NUDT9: variants seen among roughly 807,000 people sequenced by gnomAD.
The protein encoded by NUDT9 is ADP-ribose pyrophosphatase.
In NUDT9, 31 loss-of-function variants were observed where a neutral mutation model predicts 41.0. The ratio of observed to expected loss-of-function variants is 0.76; its 90% confidence interval spans 0.57 to 1.02. The LOEUF (loss-of-function observed/expected upper bound fraction) is 1.02, where lower values mean the gene tolerates loss of function less well. Ranked by LOEUF, NUDT9 falls within the 50% of genes least tolerant of loss-of-function variation. The pLI, the probability that NUDT9 is intolerant of heterozygous loss-of-function variation, is 0.00. For missense variants in NUDT9, 380 were observed against 431.4 expected (o/e 0.88, Z 1.06); for synonymous variants, 146 against 147.6 (o/e 0.99, Z 0.08).
intron 1 of NUDT9, among the ~76,000 whole-genome samples, chr4:87,425,712 G>GAAA (rs70957242): frequency 0.059 from 5,569 of 94,478 alleles, 274 homozygotes; most frequent in East Asian, 0.33. Context: ...CTGTCTCTTT[G>GAAA]AAAAAAAAAA....
intron 6 of NUDT9, among the ~76,000 whole-genome samples, chr4:87,452,204 T>C (rs531469744): frequency 3.3e-5 from 5 of 152,256 alleles, no homozygotes; most frequent in African/African-American, 7.2e-5. Flanking sequence ...GGTTTCACCA[T>C]GTTGGCCAGG....
intron 1 of NUDT9, among the ~76,000 whole-genome samples, chr4:87,428,315 A>G (rs959047823): frequency 3.9e-5 from 6 of 152,212 alleles, no homozygotes; most frequent in Non-Finnish European, 5.9e-5. Context: ...TAAAAATCCA[A>G]CTGACAGTTT....
At chr4:87,449,105 T>G (rs773592213) in intron 4 of NUDT9, 37 bp from the exon 5 acceptor site, 9 of 1,237,440 alleles carry the variant, frequency 7.3e-6, no homozygotes, top group Middle Eastern at 1.9e-4. Context: ...TTAGTTTTTG[T>G]TGTAAATCCG....
At chr4:87,444,686 T>A (rs1161455295) in intron 4 of NUDT9, among the ~76,000 whole-genome samples, 1 of 152,206 alleles carries the variant, frequency 6.6e-6, no homozygotes, top group Non-Finnish European at 1.5e-5. Flanking sequence ...AAGGTTAGAA[T>A]CTAGTTAGCT....
intron 2 of NUDT9, 53 bp from the exon 3 acceptor site, chr4:87,438,224 G>A: frequency 1.1e-6 from 1 of 913,716 alleles, no homozygotes; most frequent in South Asian, 1.4e-5. Flanking sequence ...TTATTAAGCT[G>A]TTGGTAGTTT....
At chr4:87,437,043 G>A (rs1721967213) in intron 2 of NUDT9, among the ~76,000 whole-genome samples, 1 of 152,042 alleles carries the variant, frequency 6.6e-6, no homozygotes, top group East Asian at 2.0e-4. Context: ...GAGGTCAGGA[G>A]TTTGAGACCA....
intron 1 of NUDT9, among the ~76,000 whole-genome samples, chr4:87,425,272 A>G (rs1258281949): frequency 6.6e-6 from 1 of 151,970 alleles, no homozygotes; most frequent in Non-Finnish European, 1.5e-5. Context: ...GAGACTACTA[A>G]GTGATCAGTA....
In NUDT9 at chr4:87,434,974, C is replaced by T. The variant is rs201084463; in HGVS notation, c.108-7C>T. ...TTATGTAAAATGTTTTTCTTTTTCT[C>T]CCCCAGAAACTCGTTTTCATCTTCT... On this transcript the variant is annotated splice_region_variant and splice_polypyrimidine_tract_variant and intron_variant, in intron 1 of 7. Transcript: ENST00000302174. 3.0e-5 allele frequency: 48 copies of T among 1,595,192 alleles called. No homozygotes were observed. Among genetic ancestry groups the T allele is most frequent in the Non-Finnish European group, 4.0e-5 (47 of 1,173,052 alleles).
At chr4:87,437,177 G>T (rs1721972562) in intron 2 of NUDT9, among the ~76,000 whole-genome samples, 1 of 148,056 alleles carries the variant, frequency 6.8e-6, no homozygotes, top group African/African-American at 2.5e-5. Flanking sequence ...TTGAATCTGG[G>T]TGTTAGAGGT....
At chr4:87,452,877 T>C (rs1029490858) in intron 6 of NUDT9, among the ~76,000 whole-genome samples, 4 of 147,544 alleles carry the variant, frequency 2.7e-5, no homozygotes, top group African/African-American at 1.0e-4. Context: ...AATGGCGCGA[T>C]CTCGGCTCAC....
chr4:87,426,374 G>A (rs1721417039), intron 1 of NUDT9, among the ~76,000 whole-genome samples: 1 of 151,630 alleles, frequency 6.6e-6, no homozygotes, highest in Admixed American at 6.6e-5. Flanking sequence ...TGTGACCTTG[G>A]TAAACTTATT....
chr4:87,443,113 A>C (rs1270887776), intron 4 of NUDT9, among the ~76,000 whole-genome samples: 1 of 152,152 alleles, frequency 6.6e-6, no homozygotes, highest in African/African-American at 2.4e-5. Flanking sequence ...TGAGTAATGC[A>C]TTGGGTGAGG....
intron 3 of NUDT9, among the ~76,000 whole-genome samples, chr4:87,441,372 A>G (rs574981510): frequency 6.6e-6 from 1 of 152,340 alleles, no homozygotes; most frequent in African/African-American, 2.4e-5. Flanking sequence ...CTACAAATAT[A>G]TATTATTGAT....
intron 1 of NUDT9, among the ~76,000 whole-genome samples, chr4:87,426,467 T>G (rs1721426202): frequency 6.6e-6 from 1 of 151,636 alleles, no homozygotes; most frequent in Non-Finnish European, 1.5e-5. Flanking sequence ...TGGTGTGCAG[T>G]GGTGTAATCT....
At chr4:87,432,854 C>G (rs1721746869) in intron 1 of NUDT9, among the ~76,000 whole-genome samples, 1 of 151,764 alleles carries the variant, frequency 6.6e-6, no homozygotes, top group African/African-American at 2.4e-5. Context: ...AAGAATGTCT[C>G]CCTTGGTCAT....
At chr4:87,433,522 C>T (rs1217752443) in intron 1 of NUDT9, among the ~76,000 whole-genome samples, 1 of 152,136 alleles carries the variant, frequency 6.6e-6, no homozygotes, top group African/African-American at 2.4e-5. Flanking sequence ...TTGACTTAGT[C>T]CACAACCTTG....
At chr4:87,454,808 A>G (rs1469184209) in intron 7 of NUDT9, among the ~76,000 whole-genome samples, 3 of 152,214 alleles carry the variant, frequency 2.0e-5, no homozygotes, top group Admixed American at 2.0e-4. Flanking sequence ...AAGTATGGCA[A>G]TGATAAAGGA....
chr4:87,449,112 T>A (rs1321919332), intron 4 of NUDT9, 30 bp from the exon 5 acceptor site: 1 of 1,298,330 alleles, frequency 7.7e-7, no homozygotes, highest in African/African-American at 1.5e-5. Context: ...TTGTTGTAAA[T>A]CCGTTATGAT....
intron 6 of NUDT9, among the ~76,000 whole-genome samples, chr4:87,452,903 C>G (rs1043250143): frequency 6.6e-6 from 1 of 150,480 alleles, no homozygotes; most frequent in African/African-American, 2.5e-5. Flanking sequence ...CCTCTGCCTC[C>G]CAGGTTCAAG....
Sources: gnomAD v4.1 joint callset for allele counts (sites outside exome capture counted in the v4.1 genomes callset) on GRCh38, gnomAD v4.1.1 for gene constraint, MANE v1.5 for transcripts, NCBI Gene and HGNC (gene_info 2026-07-23, HGNC 2026-07-21) for gene names.